The following PIEZO2 variants were observed in gnomAD, a reference collection of about 807,000 sequenced individuals.
PIEZO2 encodes piezo type mechanosensitive ion channel component 2.
PIEZO2 carries 172 observed loss-of-function variants against 337.3 expected under a neutral mutation model. That is an observed-to-expected ratio of 0.51 (90% CI 0.45 to 0.58). The LOEUF (loss-of-function observed/expected upper bound fraction) is 0.58, where lower values mean the gene tolerates loss of function less well. Ranked by LOEUF, PIEZO2 falls within the 20% of genes least tolerant of loss-of-function variation. The pLI is 0.00. For synonymous variants in PIEZO2, 1,251 were observed against 1,228.5 expected (o/e 1.02, Z -0.38); for missense variants, 3,028 against 3,391.3 (o/e 0.89, Z 2.66).
chr18:10,686,692 A>G (rs748645094), intron 49 of PIEZO2, among the ~76,000 whole-genome samples: 30 of 152,176 alleles, frequency 2.0e-4, no homozygotes, highest in Admixed American at 3.9e-4. Flanking sequence ...GTTGGGGCCC[A>G]CAGTGAAAGA....
rs1484758115 is a variant in PIEZO2 at position 11,029,000 on chromosome 18, T to C, written c.160+37127A>G. Among the ~76,000 whole-genome samples the C allele has an allele frequency of 3.3e-5, 5 of 152,218 alleles. No individual in the cohort carries two copies. Among genetic ancestry groups the C allele is most frequent in the Admixed American group, 6.5e-5 (1 of 15,288 alleles). On this transcript the variant is annotated intron_variant, in intron 2 of 55. Transcript: ENST00000674853. This position sits in a 1 kb window ranked among gnomAD's most constrained non-coding sequence, Gnocchi z 4.8. ...TAAGCTGCACCGTCAGTTATTTAAATAGAAATTGAGGGGAACATCATGTTC... is the reference window on the plus strand; with the variant it reads ...TAAGCTGCACCGTCAGTTATTTAAACAGAAATTGAGGGGAACATCATGTTC...
chr18:11,094,052 C>A lies in PIEZO2; in HGVS notation c.65-27830G>T, dbSNP rs1435470777. 6.6e-6 allele frequency among the ~76,000 whole-genome samples: 1 copy of A among 151,948 alleles called. No homozygotes were observed. The highest frequency in any genetic ancestry group is 1.9e-4 in the East Asian group (1 of 5,160). On this transcript the variant is annotated intron_variant, in intron 1 of 55. Transcript: ENST00000674853. This position sits in a 1 kb window ranked among gnomAD's most constrained non-coding sequence, Gnocchi z 4.4. The stretch of plus-strand genomic sequence containing the variant: ...GGAGTGCAGTGGTGCTACTGCGGCT[C>A]ACTGCAACCTCTGCCTCCTGGGTTC...
rs1284443686 is a variant in PIEZO2 at position 10,943,063 on chromosome 18, T to C, written c.287-31835A>G. On this transcript the variant is annotated intron_variant, in intron 3 of 55. Coordinates refer to ENST00000674853, the MANE Select transcript of PIEZO2 (RefSeq NM_001378183.1). The surrounding 1 kb of genome is among the most constrained non-coding windows in gnomAD (Gnocchi z 4.5). ...GAACCTCCACCTAGATTTCAGAAGA[T>C]ACATGGAAACCCCTGGATAACCAGG... 6.6e-6 allele frequency among the ~76,000 whole-genome samples: 1 copy of C among 152,146 alleles called. No individual in the cohort carries two copies. The highest frequency in any genetic ancestry group is 1.5e-5 in the Non-Finnish European group (1 of 68,020).
At chr18:10,989,854 A>G (rs563973360) in intron 2 of PIEZO2, among the ~76,000 whole-genome samples, 14 of 152,326 alleles carry the variant, frequency 9.2e-5, no homozygotes, top group African/African-American at 2.9e-4. Context: ...GAAACAACAT[A>G]CTGGTAGTAG....
chr18:10,736,680 T>C lies in PIEZO2; in HGVS notation c.4739A>G (p.Glu1580Gly), dbSNP rs1313911876. ...CTCTTCCTCCTCTTCACTATCCGTT[T>C]CAAACAAATAATAATCTCCACTCCT... ...MVRSGDYYLF[E>G]TDSEEEEEEE... The change falls in exon 34 of 56, where the codon GAA becomes GGA. Residue 1580 changes from glutamate to glycine, a missense_variant. Around this residue, in one of 5 missense-constraint regions of PIEZO2, gnomAD observed 1,925 missense variants for 2,051.9 expected, o/e 0.94. Transcript: ENST00000674853. 2 of 1,536,970 alleles carry C rather than the reference T, an allele frequency of 1.3e-6. No homozygotes were observed. The highest frequency in any genetic ancestry group is 1.7e-6 in the Non-Finnish European group (2 of 1,146,798).
At chr18:10,896,994 A>G (rs1008716938) in intron 4 of PIEZO2, among the ~76,000 whole-genome samples, 5 of 152,230 alleles carry the variant, frequency 3.3e-5, no homozygotes, top group Non-Finnish European at 5.9e-5. Context: ...CACTACAGCA[A>G]TAGAACGATG....
chr18:11,047,663 G>A lies in PIEZO2; in HGVS notation c.160+18464C>T, dbSNP rs911289791. Reference sequence around the variant, plus strand: ...CGAAGTCTTGGTCCTAAGGAGGAGGGCACGGGGGGAATCTGGGGAGAGCAC... The same window carrying A: ...CGAAGTCTTGGTCCTAAGGAGGAGGACACGGGGGGAATCTGGGGAGAGCAC... On this transcript the variant is annotated intron_variant, in intron 2 of 55. Coordinates refer to ENST00000674853, the MANE Select transcript of PIEZO2 (RefSeq NM_001378183.1). This position sits in a 1 kb window ranked among gnomAD's most constrained non-coding sequence, Gnocchi z 7.2. 6.6e-5 allele frequency among the ~76,000 whole-genome samples: 10 copies of A among 152,106 alleles called. No individual in the cohort carries two copies. Among genetic ancestry groups the A allele is most frequent in the Non-Finnish European group, 1.5e-4 (10 of 68,030 alleles).
At chr18:10,725,965 T>C (rs1307923378) in intron 36 of PIEZO2, among the ~76,000 whole-genome samples, 5 of 152,204 alleles carry the variant, frequency 3.3e-5, no homozygotes, top group Non-Finnish European at 1.5e-5. Context: ...GAGAATCCTG[T>C]TGCTCTGGGC....
rs1236506911 is a variant in PIEZO2 at position 10,861,750 on chromosome 18, G to A, written c.493-4539C>T. 6.6e-6 allele frequency among the ~76,000 whole-genome samples: 1 copy of A among 152,240 alleles called. No homozygotes were observed. The highest frequency in any genetic ancestry group is 6.5e-5 in the Admixed American group (1 of 15,286). ...TCAAAATAGTTGGCCGGGCACAGTG[G>A]TTCATGCCTATAATCCCAGCACCTT... is the stretch of plus-strand genomic sequence containing the variant. On this transcript the variant is annotated intron_variant, in intron 5 of 55. Transcript: ENST00000674853. This position sits in a 1 kb window ranked among gnomAD's most constrained non-coding sequence, Gnocchi z 4.3.
At chr18:10,807,746 G>GC (rs544552028) in intron 7 of PIEZO2, among the ~76,000 whole-genome samples, 67 of 148,986 alleles carry the variant, frequency 4.5e-4, no homozygotes, top group African/African-American at 1.5e-3. Context: ...ACATTATTGG[G>GC]CTAGTTCTAC....
intron 2 of PIEZO2, among the ~76,000 whole-genome samples, chr18:10,989,463 G>A (rs576527723): frequency 1.8e-4 from 27 of 150,692 alleles, no homozygotes; most frequent in Non-Finnish European, 3.4e-4. Context: ...GTGTTCTAAA[G>A]CAATACGCAA....
intron 3 of PIEZO2, among the ~76,000 whole-genome samples, chr18:10,976,808 C>T (rs1459936348): frequency 6.6e-6 from 1 of 152,080 alleles, no homozygotes; most frequent in East Asian, 1.9e-4. Flanking sequence ...CTCCTTAATA[C>T]TGGTTGGGCA....
chr18:10,726,434 G>T lies in PIEZO2; in HGVS notation c.5029+4973C>A. ...GGCACAACGCGGAGGGCCGGCTGCG[G>T]TACGGGCTACGGCCGGCGAACCCCA... On this transcript the variant is annotated intron_variant, in intron 36 of 55. Coordinates refer to ENST00000674853, the MANE Select transcript of PIEZO2 (RefSeq NM_001378183.1). The surrounding 1 kb of genome is among the most constrained non-coding windows in gnomAD (Gnocchi z 5.9). 6.5e-7 allele frequency: 1 copy of T among 1,530,306 alleles called. No individual in the cohort carries two copies. The highest frequency in any genetic ancestry group is 8.7e-7 in the Non-Finnish European group (1 of 1,145,160). The allele number at this position is 1,530,306 out of a possible 1,614,324, so 94.8% of individuals were successfully genotyped here.
intron 3 of PIEZO2, among the ~76,000 whole-genome samples, chr18:10,944,129 A>G (rs2032875652): frequency 6.6e-6 from 1 of 152,214 alleles, no homozygotes; most frequent in African/African-American, 2.4e-5. Context: ...GATTTTTTAA[A>G]CAACAAAAAA....
chr18:10,675,189 C>G lies in PIEZO2; in HGVS notation c.8161+20G>C, dbSNP rs2033939602. 1 of 1,490,046 alleles carries G rather than the reference C, an allele frequency of 6.7e-7. No homozygotes were observed. The highest frequency in any genetic ancestry group is 9.2e-7 in the Non-Finnish European group (1 of 1,090,842). The allele number at this position is 1,490,046 out of a possible 1,614,324, so 92.3% of individuals were successfully genotyped here. ...ACTAGGATTGAAAACAATTCTGAAA[C>G]AAATTTTTCTCATTCTTACCAGATA... is the stretch of plus-strand genomic sequence containing the variant. On this transcript the variant is annotated intron_variant, in intron 54 of 55. Coordinates refer to ENST00000674853, the MANE Select transcript of PIEZO2 (RefSeq NM_001378183.1).
In PIEZO2 at chr18:10,750,037, C is replaced by T; in HGVS notation, c.4264+54G>A. 2 of 1,345,476 alleles carry T rather than the reference C, an allele frequency of 1.5e-6. No individual in the cohort carries two copies. Among genetic ancestry groups the T allele is most frequent in the Non-Finnish European group, 2.1e-6 (2 of 972,420 alleles). 83.3% of individuals were successfully genotyped at this position (1,345,476 alleles called of 1,614,324 possible). On this transcript the variant is annotated intron_variant, in intron 29 of 55. Transcript: ENST00000674853. This position sits in a 1 kb window ranked among gnomAD's most constrained non-coding sequence, Gnocchi z 4.1. ...GCCCACTTTTAAAACTAGAACAATA[C>T]AACTATCCTCCCTCTTCTGCCTTTC...
At chr18:10,836,333 T>C (rs959779484) in intron 7 of PIEZO2, among the ~76,000 whole-genome samples, 1 of 152,180 alleles carries the variant, frequency 6.6e-6, no homozygotes, top group African/African-American at 2.4e-5. Context: ...GTGGATCTAT[T>C]TCAAATCATG....
intron 11 of PIEZO2, 118 bp downstream of exon 11, chr18:10,800,219 T>C: frequency 7.4e-7 from 1 of 1,347,418 alleles, no homozygotes; most frequent in Non-Finnish European, 9.8e-7. Context: ...GTGAGGTTAA[T>C]GACACTGACA....
chr18:10,767,427 G>C lies in PIEZO2; in HGVS notation c.2946+2721C>G, dbSNP rs547245305. ...ATGTCTGGAACCCAGAGCTGCCACA[G>C]CTCCTGAAGAGCTTTCTTTGTGGAG... On this transcript the variant is annotated intron_variant, in intron 21 of 55. Coordinates refer to ENST00000674853, the MANE Select transcript of PIEZO2 (RefSeq NM_001378183.1). The surrounding 1 kb of genome is among the most constrained non-coding windows in gnomAD (Gnocchi z 4.2). Among the ~76,000 whole-genome samples the C allele has an allele frequency of 1.3e-3, 200 of 152,150 alleles. No homozygotes were observed. Among genetic ancestry groups the C allele is most frequent in the African/African-American group, 4.7e-3 (197 of 41,514 alleles).
Sources: gnomAD v4.1 joint callset for allele counts (sites outside exome capture counted in the v4.1 genomes callset) on GRCh38, gnomAD v4.1.1 for gene constraint, gnomAD v4.1.1 regional missense constraint, Gnocchi (gnomAD v3.1) non-coding constraint, MANE v1.5 for transcripts, NCBI Gene and HGNC (gene_info 2026-07-23, HGNC 2026-07-21) for gene names.